PLCH1: variants seen among roughly 807,000 people sequenced by gnomAD.
The protein encoded by PLCH1 is 1-phosphatidylinositol 4,5-bisphosphate phosphodiesterase eta-1.
In PLCH1, 60 loss-of-function variants were observed where a neutral mutation model predicts 126.7. The ratio of observed to expected loss-of-function variants is 0.47; its 90% CI spans 0.38 to 0.59. PLCH1 has a LOEUF of 0.59. PLCH1 is among the 20% of genes least tolerant of loss of function. PLCH1 has a pLI of 0.00. For synonymous variants in PLCH1, 719 were observed against 734.9 expected, an observed-to-expected ratio of 0.98 and a Z score of 0.35; for missense variants, 1,723 against 2,040.0, an observed-to-expected ratio of 0.84 and a Z score of 2.99.
chr3:155,554,011 C>T (rs955314970), intron 9 of PLCH1, 65 bp downstream of exon 9: 34 of 1,524,972 alleles, frequency 2.2e-5, no homozygotes, highest in South Asian at 1.8e-4. Context: ...TTTGTAGCTA[C>T]GTTACATCAG....
intron 11 of PLCH1, among the ~76,000 whole-genome samples, chr3:155,519,087 A>C (rs1390909372): frequency 6.6e-6 from 1 of 152,236 alleles, no homozygotes; most frequent in Non-Finnish European, 1.5e-5. Flanking sequence ...GGCAGCTGTG[A>C]AGAACAAATA....
chr3:155,607,947 C>T (rs567753681), intron 2 of PLCH1, among the ~76,000 whole-genome samples: 2 of 152,280 alleles, frequency 1.3e-5, no homozygotes, highest in South Asian at 4.1e-4. Flanking sequence ...ACAGCTCACT[C>T]TGTAAATTCC....
chr3:155,530,285 T>C (rs1488512377), intron 10 of PLCH1, among the ~76,000 whole-genome samples: 1 of 152,144 alleles, frequency 6.6e-6, no homozygotes, highest in African/African-American at 2.4e-5. Context: ...TCCTCATCTA[T>C]TTAAGTTTAA....
rs147605985 is a variant in PLCH1 at position 155,602,896 on chromosome 3, C to A, written c.80-6518G>T. 4.2e-3 allele frequency among the ~76,000 whole-genome samples: 636 copies of A among 152,182 alleles called. 1 individual carries two copies. Among genetic ancestry groups the A allele is most frequent in the Admixed American group, 7.1e-3 (108 of 15,280 alleles). On this transcript the variant is annotated intron_variant, in intron 2 of 22. Coordinates refer to ENST00000460012, the MANE Select transcript of PLCH1 (RefSeq NM_014996.4). ...GTGTATATGTGTATGTTTTTATATA[C>A]CTGCATATATTTCCTTGTTCTAGCC...
Position 155,713,705 on chromosome 3 carries a change from C to T in PLCH1, c.-40-9441G>A, listed in dbSNP as rs140903796. The stretch of plus-strand genomic sequence containing the variant: ...AAAAACCCAGAGCTGCAGCCCAATC[C>T]TGCCTCTTACTAACACTGTGTTTCA... On this transcript the variant is annotated intron_variant, in intron 1 of 22. Coordinates refer to ENST00000460012, the MANE Select transcript of PLCH1 (RefSeq NM_014996.4). 4.9e-3 allele frequency among the ~76,000 whole-genome samples: 752 copies of T among 152,304 alleles called. 8 individuals carry two copies. Among genetic ancestry groups the T allele is most frequent in the African/African-American group, 0.017 (707 of 41,570 alleles).
intron 1 of PLCH1, among the ~76,000 whole-genome samples, chr3:155,716,038 C>G (rs781007016): frequency 2.0e-5 from 3 of 152,122 alleles, no homozygotes; most frequent in Admixed American, 6.6e-5. Flanking sequence ...TTCCCCAACC[C>G]CCAAGTTTTG....
In PLCH1 at chr3:155,483,004, G is replaced by T; in HGVS notation, c.3022C>A (p.Pro1008Thr). 1 of 1,613,888 alleles carries T rather than the reference G, an allele frequency of 6.2e-7. No homozygotes were observed. The highest frequency in any genetic ancestry group is 8.5e-7 in the Non-Finnish European group (1 of 1,179,868). ...RRKGKASIKD[P>T]HFLNFNKKLS... is the part of the protein sequence containing the mutation. ...TTTTTGTTGAAATTTAGAAAATGTG[G>T]ATCTTTTATACTTGCTTTCCCTTTT... is the stretch of plus-strand genomic sequence containing the variant. The change falls in exon 23 of 23, where the codon CCA becomes ACA. Residue 1008 changes from proline (P) to threonine (T), a missense_variant. This residue lies in a region of PLCH1 where 947 missense variants were observed against 977.1 expected (regional missense o/e 0.97). Transcript: ENST00000460012.
intron 10 of PLCH1, among the ~76,000 whole-genome samples, chr3:155,537,201 C>CAAAAAAAAAA (rs1560128167): frequency 6.8e-5 from 9 of 132,104 alleles, no homozygotes; most frequent in African/African-American, 2.1e-4. Context: ...AAAAAAAAAA[C>CAAAAAAAAAA]CAAAAAAAAA....
chr3:155,740,271 C>T (rs1318573465), intron 1 of PLCH1, among the ~76,000 whole-genome samples: 2 of 152,148 alleles, frequency 1.3e-5, no homozygotes, highest in South Asian at 2.1e-4. Flanking sequence ...ATTAGCCGGG[C>T]ATGATGGCGG....
At chr3:155,607,646 T>C (rs2108711135) in intron 2 of PLCH1, among the ~76,000 whole-genome samples, 1 of 152,288 alleles carries the variant, frequency 6.6e-6, no homozygotes, top group Middle Eastern at 3.4e-3. Context: ...TTCACCATGT[T>C]GGCCAGGCTG....
chr3:155,577,184 C>A (rs1243964836), intron 6 of PLCH1, among the ~76,000 whole-genome samples: 4 of 151,988 alleles, frequency 2.6e-5, no homozygotes, highest in Non-Finnish European at 5.9e-5. Context: ...TGCTTGAGCT[C>A]AGGAGTTGGA....
intron 14 of PLCH1, among the ~76,000 whole-genome samples, chr3:155,498,114 A>G (rs556241206): frequency 3.0e-4 from 46 of 152,328 alleles, no homozygotes; most frequent in Admixed American, 8.5e-4. Flanking sequence ...TGTCCAGCAT[A>G]TCCATGATGT....
At chr3:155,610,619 T>C (rs1440079943) in intron 2 of PLCH1, among the ~76,000 whole-genome samples, 3 of 152,006 alleles carry the variant, frequency 2.0e-5, no homozygotes, top group African/African-American at 7.2e-5. Context: ...AAAACTAAGA[T>C]CCATAAATGA....
chr3:155,707,738 C>T (rs1339680332), intron 1 of PLCH1, among the ~76,000 whole-genome samples: 1 of 151,914 alleles, frequency 6.6e-6, no homozygotes, highest in Non-Finnish European at 1.5e-5. Context: ...TGTTACATAG[C>T]AATAGATAAT....
At chr3:155,661,162 T>C (rs1742091475) in intron 2 of PLCH1, among the ~76,000 whole-genome samples, 1 of 152,216 alleles carries the variant, frequency 6.6e-6, no homozygotes, top group Admixed American at 6.5e-5. Flanking sequence ...ATCAACTTTT[T>C]CAACAACTTT....
chr3:155,504,539 T>C lies in PLCH1; in HGVS notation c.1704+16A>G. 7.1e-7 allele frequency: 1 copy of C among 1,415,326 alleles called. No individual in the cohort carries two copies. Among genetic ancestry groups the C allele is most frequent in the South Asian group, 1.2e-5 (1 of 86,890 alleles). 87.7% of individuals were successfully genotyped at this position (1,415,326 alleles called of 1,614,324 possible). On this transcript the variant is annotated intron_variant, in intron 13 of 22. Coordinates refer to ENST00000460012, the MANE Select transcript of PLCH1 (RefSeq NM_014996.4). The stretch of plus-strand genomic sequence containing the variant: ...AATTAACTGAAGTATGCATAGTTAT[T>C]ACTCTTAATTCATACCTTATGTTTT...
chr3:155,536,469 A>C (rs559828971), intron 10 of PLCH1, among the ~76,000 whole-genome samples: 2 of 152,330 alleles, frequency 1.3e-5, no homozygotes, highest in East Asian at 3.9e-4. Context: ...AATAGACGGC[A>C]TCAATACAAA....
At chr3:155,621,930 C>T (rs929496291) in intron 2 of PLCH1, among the ~76,000 whole-genome samples, 2 of 152,070 alleles carry the variant, frequency 1.3e-5, no homozygotes, top group Admixed American at 6.5e-5. Flanking sequence ...AGATAATCCT[C>T]AAGAAGAACA....
intron 2 of PLCH1, among the ~76,000 whole-genome samples, chr3:155,601,405 T>TA (rs1420558061): frequency 1.3e-5 from 2 of 152,116 alleles, no homozygotes; most frequent in Non-Finnish European, 2.9e-5. Flanking sequence ...GAAAATGTTG[T>TA]AAAAAATACA....
Sources: allele counts gnomAD v4.1 joint callset (sites outside exome capture counted in the v4.1 genomes callset), GRCh38; gene constraint gnomAD v4.1.1; regional missense constraint gnomAD v4.1.1; transcripts MANE v1.5; gene names NCBI Gene and HGNC (gene_info 2026-07-23, HGNC 2026-07-21).